PRDM10: variants seen among roughly 807,000 people sequenced by gnomAD.
The protein encoded by PRDM10 is PR/SET domain 10, also known as PR domain zinc finger protein 10.
A neutral mutation model predicts 133.1 loss-of-function variants in PRDM10; 65 were observed. The observed-to-expected ratio is 0.49, with a 90% confidence interval of 0.40 to 0.60. PRDM10 has a LOEUF of 0.60. Ranked by LOEUF, PRDM10 falls within the 20% of genes least tolerant of loss-of-function variation. PRDM10 has a pLI of 0.00. For synonymous variants in PRDM10, 582 were observed against 580.4 expected (o/e 1.00, Z -0.04); for missense variants, 1,137 against 1,507.1 (o/e 0.75, Z 4.07).
chr11:129,962,243 G>A (rs1398775011), intron 1 of PRDM10, among the ~76,000 whole-genome samples: 3 of 152,068 alleles, frequency 2.0e-5, no homozygotes, highest in Non-Finnish European at 2.9e-5. Flanking sequence ...ATAAAATGTT[G>A]GTATTTTAAA....
In PRDM10 at chr11:129,998,848, G is replaced by T. The variant is rs115319691; in HGVS notation, c.-119+3874C>A. On this transcript the variant is annotated intron_variant, in intron 1 of 20. Coordinates refer to ENST00000360871, the MANE Select transcript of PRDM10 (RefSeq NM_199437.2). ...TTTTTTTTTTTTTTTTGGAGACAGG[G>T]TCTCACTCTGGTTGCCCAGGCTGGA... 5.3e-3 allele frequency among the ~76,000 whole-genome samples: 788 copies of T among 148,296 alleles called. 8 individuals are homozygous for T. Among genetic ancestry groups the T allele is most frequent in the African/African-American group, 0.018 (742 of 40,224 alleles).
intron 7 of PRDM10, among the ~76,000 whole-genome samples, chr11:129,939,664 G>A (rs181363268): frequency 6.6e-5 from 10 of 152,262 alleles, no homozygotes; most frequent in Admixed American, 2.0e-4. Context: ...GAGTGAACAC[G>A]TGCCAAGCAA....
intron 1 of PRDM10, among the ~76,000 whole-genome samples, chr11:129,970,158 T>C (rs1951987892): frequency 6.6e-6 from 1 of 152,226 alleles, no homozygotes; most frequent in South Asian, 2.1e-4. Flanking sequence ...TGTTATGTTA[T>C]AATAGCATTT....
At chr11:129,993,769 C>T (rs1166441191) in intron 1 of PRDM10, among the ~76,000 whole-genome samples, 1 of 152,194 alleles carries the variant, frequency 6.6e-6, no homozygotes, top group East Asian at 1.9e-4. Context: ...CAGGCGTGAG[C>T]CACCGCGCCT....
rs892623096 is a variant in PRDM10, at chr11:129,932,164, G to A, written c.1225C>T (p.Pro409Ser). 2.5e-6 allele frequency: 4 copies of A among 1,613,944 alleles called. No individual in the cohort carries two copies. Among genetic ancestry groups the A allele is most frequent in the Non-Finnish European group, 3.4e-6 (4 of 1,180,010 alleles). ...GTGATTTCCAGGCGGATAAATTTTG[G>A]AGGACGCCCCGGCCGTCGACCTGGA... ...FGPGRRPGRP[P>S]KFIRLEITSE... Residue 409 changes from proline (P) to serine (S), a missense_variant, in exon 10 of 21, where the codon CCA becomes TCA. Physicochemically the swap from Pro to Ser is moderately conservative, Grantham distance 74. This residue lies in a region of PRDM10 where 635 missense variants were observed against 835.2 expected (regional missense o/e 0.76). Coordinates refer to ENST00000360871, the MANE Select transcript of PRDM10 (RefSeq NM_199437.2).
Position 129,960,917 on chromosome 11 carries a change from C to T in PRDM10, c.48G>A (p.Glu16=), listed in dbSNP as rs1951783980. The change falls in exon 2 of 21, where the codon GAG becomes GAA. Residue 16 remains glutamate (E), a synonymous_variant. Transcript: ENST00000360871. ...ESSHVWPTSA[E]HEQNAAQVHF... ...TCACCTGTGCGGCATTCTGTTCATG[C>T]TCTGCAGATGTCGGCCACACATGCG... The T allele has an allele frequency of 2.5e-6, 4 of 1,614,168 alleles. No individual in the cohort carries two copies. The highest frequency in any genetic ancestry group is 2.2e-5 in the East Asian group (1 of 44,884).
chr11:129,938,041 C>T (rs1951089524), intron 7 of PRDM10, among the ~76,000 whole-genome samples: 1 of 152,198 alleles, frequency 6.6e-6, no homozygotes, highest in Non-Finnish European at 1.5e-5. Context: ...ACAGCCCTTA[C>T]TGGGGTCACC....
intron 1 of PRDM10, among the ~76,000 whole-genome samples, chr11:129,972,266 C>A (rs1422755544): frequency 1.3e-5 from 2 of 152,208 alleles, no homozygotes; most frequent in African/African-American, 4.8e-5. Context: ...GAAAGGGGCT[C>A]CCACAGTGCA....
chr11:129,995,079 A>G (rs930582447), intron 1 of PRDM10, among the ~76,000 whole-genome samples: 1 of 152,232 alleles, frequency 6.6e-6, no homozygotes, highest in Non-Finnish European at 1.5e-5. Context: ...CTTCCACAGT[A>G]CTAAAGTACT....
intron 1 of PRDM10, among the ~76,000 whole-genome samples, chr11:129,996,493 G>C (rs1474479352): frequency 6.6e-6 from 1 of 152,192 alleles, no homozygotes; most frequent in African/African-American, 2.4e-5. Context: ...TTGGAACACA[G>C]CCACGCTCTC....
At chr11:129,931,966 TTTAA>T in intron 10 of PRDM10, 132 bp downstream of exon 10, 1 of 1,169,360 alleles carries the variant, frequency 8.6e-7, no homozygotes. Flanking sequence ...CCAATCATTC[TTTAA>T]TTAACAGGCA....
At chr11:129,968,759 T>G (rs1218151047) in intron 1 of PRDM10, among the ~76,000 whole-genome samples, 1 of 152,158 alleles carries the variant, frequency 6.6e-6, no homozygotes, top group Non-Finnish European at 1.5e-5. Flanking sequence ...GTTCCCATTG[T>G]GCCGTTCACC....
intron 18 of PRDM10, among the ~76,000 whole-genome samples, chr11:129,911,517 A>T (rs1034286501): frequency 2.0e-5 from 3 of 152,216 alleles, no homozygotes; most frequent in African/African-American, 7.2e-5. Flanking sequence ...CCTGTGAGTA[A>T]TCTAAACAGA....
intron 7 of PRDM10, among the ~76,000 whole-genome samples, chr11:129,940,657 C>T (rs1051645854): frequency 6.6e-6 from 1 of 152,192 alleles, no homozygotes; most frequent in African/African-American, 2.4e-5. Context: ...GACCTATCAA[C>T]ACATCATGTA....
chr11:129,905,807 A>G, intron 19 of PRDM10, 66 bp from the exon 20 acceptor site: 1 of 1,362,526 alleles, frequency 7.3e-7, no homozygotes, highest in Non-Finnish European at 1.0e-6. Context: ...AGAAACAAAA[A>G]CATAACCAGT....
chr11:129,997,533 G>A (rs1029166226), intron 1 of PRDM10, among the ~76,000 whole-genome samples: 3 of 152,128 alleles, frequency 2.0e-5, no homozygotes, highest in Non-Finnish European at 2.9e-5. Flanking sequence ...TGGTCCAAAC[G>A]GTTCCTTCCA....
intron 11 of PRDM10, among the ~76,000 whole-genome samples, chr11:129,926,905 T>G (rs1950695714): frequency 6.6e-6 from 1 of 152,232 alleles, no homozygotes; most frequent in Non-Finnish European, 1.5e-5. Context: ...GCAGAGATTT[T>G]TAAGAATAGG....
intron 4 of PRDM10, among the ~76,000 whole-genome samples, chr11:129,952,780 A>G (rs933415668): frequency 1.3e-5 from 2 of 151,916 alleles, no homozygotes; most frequent in South Asian, 2.1e-4. Context: ...CGGGGATCCC[A>G]AAGTGCTGGG....
chr11:129,955,238 C>G (rs1384499838), intron 4 of PRDM10, among the ~76,000 whole-genome samples: 2 of 152,070 alleles, frequency 1.3e-5, no homozygotes, highest in Non-Finnish European at 2.9e-5. Flanking sequence ...CATGATTATT[C>G]TTTGGTACTT....
Sources: gnomAD v4.1 joint callset for allele counts (sites outside exome capture counted in the v4.1 genomes callset) on GRCh38, gnomAD v4.1.1 for gene constraint, gnomAD v4.1.1 regional missense constraint, MANE v1.5 for transcripts, NCBI Gene and HGNC (gene_info 2026-07-23, HGNC 2026-07-21) for gene names.